CLMN: variants seen among roughly 807,000 people sequenced by gnomAD.
CLMN encodes the protein calmin, also known as calmin (calponin-like, transmembrane).
A neutral mutation model predicts 92.7 loss-of-function variants in CLMN; 57 were observed. That is an observed-to-expected ratio of 0.61 (90% confidence interval 0.50 to 0.77). CLMN has a LOEUF of 0.77. Ranked by LOEUF, CLMN falls within the 30% of genes least tolerant of loss-of-function variation. The pLI is 0.00. For missense variants in CLMN, 1,158 were observed against 1,237.5 expected (o/e 0.94, Z 0.96); for synonymous variants, 466 against 470.6 (o/e 0.99, Z 0.13).
At chr14:95,304,098 G>T (rs766957574) in intron 1 of CLMN, among the ~76,000 whole-genome samples, 8 of 152,130 alleles carry the variant, frequency 5.3e-5, no homozygotes, top group Non-Finnish European at 1.2e-4. Context: ...AGCACATTGG[G>T]GGTCCAAGGT....
intron 1 of CLMN, among the ~76,000 whole-genome samples, chr14:95,247,605 C>G (rs1898621575): frequency 1.3e-5 from 2 of 152,206 alleles, no homozygotes; most frequent in Non-Finnish European, 2.9e-5. Context: ...GGTGTGCACA[C>G]CAGAAGGGTC....
Position 95,290,297 on chromosome 14 carries a change from C to G in CLMN, c.82+29414G>C, listed in dbSNP as rs528274957. On this transcript the variant is annotated intron_variant, in intron 1 of 12. Transcript: ENST00000298912. ...ACTTTGACGCTCCCCCAAAGATGTC[C>G]AGATCCCAATCCCTGGAGTCTGTGT... 2.6e-5 allele frequency among the ~76,000 whole-genome samples: 4 copies of G among 152,350 alleles called. No homozygotes were observed. In the South Asian group the frequency reaches 8.3e-4, roughly 32 times the overall value.
In CLMN at chr14:95,213,980, C is replaced by T. The variant is rs116046310; in HGVS notation, c.418-571G>A. ...TTTGAAAGATGAGTAGGAGGTCTAG[C>T]GCACTCCTACTCATCCTTCAAAACC... is the stretch of plus-strand genomic sequence containing the variant. On this transcript the variant is annotated intron_variant, in intron 5 of 12. Transcript: ENST00000298912. Among the ~76,000 whole-genome samples the T allele has an allele frequency of 5.5e-3, 836 of 152,092 alleles. 11 individuals are homozygous for T. The highest frequency in any genetic ancestry group is 0.019 in the African/African-American group (785 of 41,480).
chr14:95,212,204 G>A lies in CLMN; in HGVS notation c.608+1015C>T, dbSNP rs537401437. 3.3e-5 allele frequency among the ~76,000 whole-genome samples: 5 copies of A among 152,326 alleles called. No individual in the cohort carries two copies. In the South Asian group the frequency reaches 1.0e-3, roughly 32 times the overall value. The stretch of plus-strand genomic sequence containing the variant: ...CTTAATATGGGCTGGCACTGTGCAA[G>A]GTGCTCTTTCATGGATTTTATTTAA... On this transcript the variant is annotated intron_variant, in intron 6 of 12. Coordinates refer to ENST00000298912, the MANE Select transcript of CLMN (RefSeq NM_024734.4).
chr14:95,227,185 CCTT>C (rs945475258), intron 2 of CLMN, among the ~76,000 whole-genome samples: 1 of 152,134 alleles, frequency 6.6e-6, no homozygotes, highest in African/African-American at 2.4e-5. Flanking sequence ...GGGAAAGCCT[CCTT>C]CCCGTGGCAG....
chr14:95,194,176 A>C lies in CLMN; in HGVS notation c.2770-257T>G. On this transcript the variant is annotated intron_variant, in intron 11 of 12. Coordinates refer to ENST00000298912, the MANE Select transcript of CLMN (RefSeq NM_024734.4). The surrounding 1 kb of genome is among the most constrained non-coding windows in gnomAD (Gnocchi z 4.0). ...TTGGGGTGTGCTGCTCCGGGTTCTA[A>C]CACATCTGCTACTGAGCACGTGCCA... 7.1e-7 allele frequency: 1 copy of C among 1,403,316 alleles called. No homozygotes were observed. Among genetic ancestry groups the C allele is most frequent in the Non-Finnish European group, 9.2e-7 (1 of 1,084,140 alleles). The allele number at this position is 1,403,316 out of a possible 1,614,324, so 86.9% of individuals were successfully genotyped here.
At chr14:95,302,219 G>C (rs1347046404) in intron 1 of CLMN, among the ~76,000 whole-genome samples, 2 of 152,134 alleles carry the variant, frequency 1.3e-5, no homozygotes, top group Non-Finnish European at 2.9e-5. Context: ...AGAATCGCTT[G>C]AACCCGGGAG....
chr14:95,269,659 G>A (rs1418188821), intron 1 of CLMN, among the ~76,000 whole-genome samples: 1 of 152,188 alleles, frequency 6.6e-6, no homozygotes, highest in Non-Finnish European at 1.5e-5. Context: ...GCTCCTTCCT[G>A]GATGCCCAAG....
chr14:95,272,260 G>A (rs1282902164), intron 1 of CLMN, among the ~76,000 whole-genome samples: 1 of 152,204 alleles, frequency 6.6e-6, no homozygotes, highest in East Asian at 1.9e-4. Context: ...CCTGCCAGGA[G>A]GGTGTGGGCT....
chr14:95,312,220 T>C (rs1901573251), intron 1 of CLMN, among the ~76,000 whole-genome samples: 1 of 152,094 alleles, frequency 6.6e-6, no homozygotes, highest in Non-Finnish European at 1.5e-5. Context: ...ACCATAACCC[T>C]ATCCTCTCTG....
At chr14:95,216,626 T>TG (rs1385587335) in intron 4 of CLMN, among the ~76,000 whole-genome samples, 1 of 152,228 alleles carries the variant, frequency 6.6e-6, no homozygotes, top group Non-Finnish European at 1.5e-5. Flanking sequence ...GTGAGTTGAC[T>TG]GCTAATTAGA....
At chr14:95,223,640 A>C (rs1595589118) in intron 3 of CLMN, 120 bp downstream of exon 3, 4 of 711,088 alleles carry the variant, frequency 5.6e-6, no homozygotes, top group Non-Finnish European at 9.0e-6. Flanking sequence ...TAATAAAAAA[A>C]GTCACCGCTT....
Position 95,210,854 on chromosome 14 carries a change from C to A in CLMN, c.634G>T (p.Ala212Ser). The change falls in exon 7 of 13, where the codon GCG (alanine) becomes TCG (serine). Residue 212 changes from alanine to serine, a missense_variant. Coordinates refer to ENST00000298912, the MANE Select transcript of CLMN (RefSeq NM_024734.4). ...RKYGVAVQDFAGSWRSGLAFL... is the reference protein window; with the variant it reads ...RKYGVAVQDFSGSWRSGLAFL... ...GCCAGCCCACTCCTCCAACTGCCCG[C>A]AAAGTCCTGCACCGCCACGCCATAC... 2 of 1,553,604 alleles carry A rather than the reference C, an allele frequency of 1.3e-6. No homozygotes were observed. The highest frequency in any genetic ancestry group is 1.2e-5 in the South Asian group (1 of 83,106).
At chr14:95,243,889 G>A (rs71431682) in intron 1 of CLMN, among the ~76,000 whole-genome samples, 1 of 152,084 alleles carries the variant, frequency 6.6e-6, no homozygotes, top group Non-Finnish European at 1.5e-5. Context: ...CCTAATGTTG[G>A]AGGTGGGGCC....
At chr14:95,264,094 G>A (rs1483968906) in intron 1 of CLMN, among the ~76,000 whole-genome samples, 2 of 151,796 alleles carry the variant, frequency 1.3e-5, no homozygotes, top group African/African-American at 2.4e-5. Flanking sequence ...CTGGACTGCA[G>A]TGGCACCATC....
intron 1 of CLMN, among the ~76,000 whole-genome samples, chr14:95,253,641 C>G (rs1465604401): frequency 2.0e-5 from 3 of 146,918 alleles, no homozygotes; most frequent in African/African-American, 7.6e-5. Context: ...GAGACAGAGT[C>G]TCTCTCTGTT....
rs763985863 is a variant in CLMN, at chr14:95,188,656, G to A, written c.*2908C>T. On this transcript the variant is annotated 3_prime_UTR_variant, in exon 13 of 13. Transcript: ENST00000298912. ...ATTTCCCATGAAGGCCCAGCACAAG[G>A]TTTAACACCCGGGATACAACACCAT... 8 of 152,018 alleles carry A rather than the reference G, an allele frequency of 5.3e-5. No individual in the cohort carries two copies. The highest frequency in any genetic ancestry group is 1.9e-4 in the African/African-American group (8 of 41,376). The allele number at this position is 152,018 out of a possible 1,614,324, so 9.4% of individuals were successfully genotyped here.
chr14:95,315,979 T>C (rs2140806094), intron 1 of CLMN, among the ~76,000 whole-genome samples: 1 of 152,312 alleles, frequency 6.6e-6, no homozygotes, highest in African/African-American at 2.4e-5. Flanking sequence ...GAGCCTTCTT[T>C]AAATCCTGGC....
intron 3 of CLMN, among the ~76,000 whole-genome samples, chr14:95,223,558 A>T (rs944936101): frequency 6.6e-6 from 1 of 151,948 alleles, no homozygotes; most frequent in Non-Finnish European, 1.5e-5. Flanking sequence ...TTATTCATTT[A>T]TTTTCTAAAA....
Sources: allele counts gnomAD v4.1 joint callset (sites outside exome capture counted in the v4.1 genomes callset), GRCh38; gene constraint gnomAD v4.1.1; non-coding constraint Gnocchi (gnomAD v3.1); transcripts MANE v1.5; gene names NCBI Gene and HGNC (gene_info 2026-07-23, HGNC 2026-07-21).